Variants in TERB1 observed in about 807,000 individuals in gnomAD.
The protein encoded by TERB1 is telomere repeats-binding bouquet formation protein 1.
TERB1 carries 63 observed loss-of-function variants against 92.3 expected under a neutral mutation model. That is an observed-to-expected ratio of 0.68 (90% CI 0.56 to 0.84). TERB1 has a LOEUF of 0.84. TERB1 is among the 40% of genes least tolerant of loss of function. The pLI, the probability that TERB1 is intolerant of heterozygous loss-of-function variation, is 0.00. For missense variants in TERB1, 709 were observed against 843.7 expected (o/e 0.84, Z 1.98); for synonymous variants, 252 against 283.9 (o/e 0.89, Z 1.13).
intron 11 of TERB1, among the ~76,000 whole-genome samples, chr16:66,776,827 C>T (rs892667093): frequency 6.6e-6 from 1 of 152,106 alleles, no homozygotes; most frequent in Non-Finnish European, 1.5e-5. Flanking sequence ...CAGATTTGTG[C>T]AGCAATGTGC....
chr16:66,762,724 C>A (rs753782728), intron 16 of TERB1, among the ~76,000 whole-genome samples: 1 of 151,618 alleles, frequency 6.6e-6, no homozygotes, highest in Non-Finnish European at 1.5e-5. Flanking sequence ...CACTCTGTCA[C>A]CCAGACTGGA....
At chr16:66,780,461 T>C (rs2018617584) in intron 9 of TERB1, among the ~76,000 whole-genome samples, 1 of 151,736 alleles carries the variant, frequency 6.6e-6, no homozygotes, top group African/African-American at 2.4e-5. Flanking sequence ...TCCCAGCACC[T>C]CAGGAGGCTA....
chr16:66,770,274 A>C lies in TERB1; in HGVS notation c.1308T>G (p.Ile436Met). The stretch of plus-strand genomic sequence containing the variant: ...TCTGAATACTTATGTTCATAGATGA[A>C]ATATTATCCTGATAGTTTTCTCTTT... Reference protein sequence around the residue: ...EIQRENYQDNISSMNISIQNT... With the variant: ...EIQRENYQDNMSSMNISIQNT... Residue 436 changes from isoleucine (I) to methionine (M), a missense_variant, in exon 14 of 19, where the codon ATT (isoleucine) becomes ATG (methionine). Transcript: ENST00000433154. 6.5e-7 allele frequency: 1 copy of C among 1,548,852 alleles called. No individual in the cohort carries two copies. The highest frequency in any genetic ancestry group is 8.7e-7 in the Non-Finnish European group (1 of 1,145,510).
At chr16:66,790,269 G>A (rs1201803937) in intron 5 of TERB1, among the ~76,000 whole-genome samples, 2 of 149,962 alleles carry the variant, frequency 1.3e-5, no homozygotes, top group Non-Finnish European at 3.0e-5. Flanking sequence ...AGGAAAAAGG[G>A]GAGGGGGGCA....
At chr16:66,767,597 A>G (rs987890696) in intron 15 of TERB1, 87 bp from the exon 16 acceptor site, 1 of 677,124 alleles carries the variant, frequency 1.5e-6, no homozygotes, top group Non-Finnish European at 2.5e-6. Flanking sequence ...AGCTTTTCAT[A>G]AACCTTAGCC....
chr16:66,759,370 G>T, intron 16 of TERB1, 80 bp from the exon 17 acceptor site: 4 of 1,153,614 alleles, frequency 3.5e-6, no homozygotes, highest in Non-Finnish European at 2.4e-6. Flanking sequence ...ATATCTATAT[G>T]ATGGTAACTG....
chr16:66,800,410 T>TTTG (rs1959241734), intron 2 of TERB1, among the ~76,000 whole-genome samples: 1 of 147,858 alleles, frequency 6.8e-6, no homozygotes, highest in African/African-American at 2.5e-5. Flanking sequence ...TTTTTTTTTT[T>TTTG]GAGACAGTCT....
intron 2 of TERB1, among the ~76,000 whole-genome samples, chr16:66,799,277 G>T (rs1437945870): frequency 1.3e-5 from 2 of 152,086 alleles, no homozygotes; most frequent in East Asian, 1.9e-4. Flanking sequence ...GCCCAGGCTG[G>T]AGTGCAGTGG....
chr16:66,770,034 T>G lies in TERB1; in HGVS notation c.1548A>C (p.Lys516Asn). Residue 516 changes from lysine to asparagine, a missense_variant, in exon 14 of 19, where the codon AAA (lysine) becomes AAC (asparagine). Lys to Asn is a moderately conservative substitution (Grantham distance 94). Transcript: ENST00000433154. ...RESEQNKTLY[K>N]AKSSCNQNLH... Reference sequence around the variant, plus strand: ...AGTTTTGATTGCAGCTTGACTTGGCTTTATATAAAGTCTTATTTTGCTCAC... The same window carrying G: ...AGTTTTGATTGCAGCTTGACTTGGCGTTATATAAAGTCTTATTTTGCTCAC... The G allele has an allele frequency of 6.4e-7, 1 of 1,551,792 alleles. No homozygotes were observed. Among genetic ancestry groups the G allele is most frequent in the East Asian group, 2.4e-5 (1 of 40,918 alleles).
chr16:66,792,591 G>A (rs1400860832), intron 3 of TERB1, among the ~76,000 whole-genome samples: 1 of 152,186 alleles, frequency 6.6e-6, no homozygotes, highest in Admixed American at 6.5e-5. Context: ...CATAAAAATA[G>A]ATTGTACAGC....
At chr16:66,761,240 T>A (rs2018241847) in intron 16 of TERB1, among the ~76,000 whole-genome samples, 2 of 148,538 alleles carry the variant, frequency 1.3e-5, no homozygotes, top group East Asian at 2.0e-4. Context: ...TCACTTGAGG[T>A]CAGGAGTTCA....
At chr16:66,770,605 G>T (rs912836012) in intron 13 of TERB1, among the ~76,000 whole-genome samples, 1 of 151,936 alleles carries the variant, frequency 6.6e-6, no homozygotes, top group African/African-American at 2.4e-5. Flanking sequence ...TGTTCTAAAA[G>T]AAACCATTAT....
intron 5 of TERB1, among the ~76,000 whole-genome samples, chr16:66,788,661 A>C (rs1341694783): frequency 6.6e-6 from 1 of 152,132 alleles, no homozygotes; most frequent in Non-Finnish European, 1.5e-5. Context: ...AAAATTCAGA[A>C]ACCTACTTTA....
At chr16:66,795,412 T>G (rs1183634516) in intron 3 of TERB1, among the ~76,000 whole-genome samples, 1 of 152,198 alleles carries the variant, frequency 6.6e-6, no homozygotes, top group African/African-American at 2.4e-5. Flanking sequence ...AACTACTTAT[T>G]TGATAACATA....
intron 16 of TERB1, among the ~76,000 whole-genome samples, chr16:66,765,264 C>A (rs1020259771): frequency 1.2e-4 from 19 of 152,102 alleles, no homozygotes; most frequent in African/African-American, 4.3e-4. Context: ...TACTTTTGAC[C>A]AGAGATTCCC....
rs753316431 is a variant in TERB1, at chr16:66,790,945, C to T, written c.106G>A (p.Ala36Thr). 165 of 1,549,392 alleles carry T rather than the reference C, an allele frequency of 1.1e-4. 1 individual carries two copies. Among genetic ancestry groups the T allele is most frequent in the Non-Finnish European group, 1.4e-4 (155 of 1,145,722 alleles). Reference protein sequence around the residue: ...QMDNAFSQKEALVTIHSICQQ... With the variant: ...QMDNAFSQKETLVTIHSICQQ... The stretch of plus-strand genomic sequence containing the variant: ...CAAATTGAATGAATAGTGACCAAAG[C>T]TTCCTTTTGTGAAAAAGCATTGTCC... The change falls in exon 4 of 19, where the codon GCT becomes ACT. Residue 36 changes from alanine (A) to threonine (T), a missense_variant. Transcript: ENST00000433154.
rs886448675 is a variant in TERB1, at chr16:66,775,362, G to A, written c.986-119C>T. 1.4e-5 allele frequency: 12 copies of A among 878,538 alleles called. 1 individual carries two copies. Among genetic ancestry groups the A allele is most frequent in the South Asian group, 1.2e-4 (7 of 57,168 alleles). The allele number at this position is 878,538 out of a possible 1,614,324, so 54.4% of individuals were successfully genotyped here. On this transcript the variant is annotated intron_variant, in intron 11 of 18. Transcript: ENST00000433154. The stretch of plus-strand genomic sequence containing the variant: ...AAAATTTTAAAAATAGGCCAGGAAC[G>A]GTGGCTCACTCTTGTAATCCCAGCA...
At chr16:66,761,109 C>CAAAAAAAAAAAAAAAAAGAAAAA (rs2018237530) in intron 16 of TERB1, among the ~76,000 whole-genome samples, 1 of 71,136 alleles carries the variant, frequency 1.4e-5, no homozygotes, top group Non-Finnish European at 2.6e-5. Context: ...GACTCCACCT[C>CAAAAAAAAAAAAAAAAAGAAAAA]AAAAAAAAAA....
At chr16:66,793,679 ATTTTT>A (rs1013790300) in intron 3 of TERB1, among the ~76,000 whole-genome samples, 11 of 151,724 alleles carry the variant, frequency 7.3e-5, no homozygotes, top group Middle Eastern at 3.4e-3. Context: ...GCCCAGCTAA[ATTTTT>A]TTTATTTTAG....
Sources: gnomAD v4.1 joint callset for allele counts (sites outside exome capture counted in the v4.1 genomes callset) on GRCh38, gnomAD v4.1.1 for gene constraint, MANE v1.5 for transcripts, NCBI Gene and HGNC (gene_info 2026-07-23, HGNC 2026-07-21) for gene names.